CCKBR: variants seen among roughly 807,000 people sequenced by gnomAD.
CCKBR encodes gastrin/cholecystokinin type B receptor.
A neutral mutation model predicts 34.6 loss-of-function variants in CCKBR; 33 were observed. The observed-to-expected ratio is 0.95, with a 90% CI of 0.72 to 1.27. CCKBR has a LOEUF of 1.27. Among genes scored for constraint, CCKBR ranks in the 50% most tolerant of loss-of-function variants. The pLI, the probability that CCKBR is intolerant of heterozygous loss-of-function variation, is 0.00. For missense variants in CCKBR, 652 were observed against 617.4 expected (o/e 1.06, Z -0.59); for synonymous variants, 269 against 267.5 (o/e 1.01, Z -0.06).
rs535599390 is a variant in CCKBR, at chr11:6,271,267, C to T, written c.1068C>T (p.Arg356=). Residue 356 remains arginine (R), a synonymous_variant, in exon 5 of 5, where the codon CGC becomes CGT. Transcript: ENST00000334619. ...CAGTTTATAGTGCCAACACGTGGCG[C>T]GCCTTTGATGGCCCGGGTGCACACC... The part of the protein sequence containing the change: ...WLPVYSANTW[R]AFDGPGAHRA... 2 of 1,614,210 alleles carry T rather than the reference C, an allele frequency of 1.2e-6. No homozygotes were observed. The highest frequency in any genetic ancestry group is 1.1e-5 in the South Asian group (1 of 91,080).
intron 1 of CCKBR, among the ~76,000 whole-genome samples, chr11:6,263,923 T>TC (rs1848172636): frequency 6.6e-6 from 1 of 152,268 alleles, no homozygotes; most frequent in African/African-American, 2.4e-5. Flanking sequence ...CTGAATGTAA[T>TC]CTATGCTTCC....
chr11:6,262,421 C>G (rs1848147549), intron 1 of CCKBR, among the ~76,000 whole-genome samples: 1 of 152,116 alleles, frequency 6.6e-6, no homozygotes, highest in Non-Finnish European at 1.5e-5. Context: ...AAGGCAGGAG[C>G]TACGCCCTTC....
rs200728380 is a variant in CCKBR at position 6,271,440 on chromosome 11, G to T, written c.1241G>T (p.Arg414Leu). 2.5e-6 allele frequency: 4 copies of T among 1,613,404 alleles called. No homozygotes were observed. Among genetic ancestry groups the T allele is most frequent in the Non-Finnish European group, 3.4e-6 (4 of 1,180,034 alleles). Residue 414 changes from arginine to leucine, a missense_variant, in exon 5 of 5, where the codon CGA (arginine) becomes CTA (leucine). Physicochemically the swap from Arg to Leu is moderately radical, Grantham distance 102. Coordinates refer to ENST00000334619, the MANE Select transcript of CCKBR (RefSeq NM_176875.4). ...GCTCGCTGCTGCCCCCGGCCTCCAC[G>T]AGCTCGCCCCAGGGCTCTTCCCGAT... ...TCARCCPRPP[R>L]ARPRALPDED...
At chr11:6,264,349 G>T in intron 1 of CCKBR, 1 of 570,190 alleles carries the variant, frequency 1.8e-6, no homozygotes, top group Non-Finnish European at 3.1e-6. Flanking sequence ...CCTGCCAGTA[G>T]AATGCAGAAT....
chr11:6,271,865 C>A lies in CCKBR; in HGVS notation c.*322C>A, dbSNP rs1848323915. 1 of 328,342 alleles carries A rather than the reference C, an allele frequency of 3.0e-6. No homozygotes were observed. Among genetic ancestry groups the A allele is most frequent in the East Asian group, 5.2e-5 (1 of 19,288 alleles). The allele number at this position is 328,342 out of a possible 1,614,324, so 20.3% of individuals were successfully genotyped here. On this transcript the variant is annotated 3_prime_UTR_variant, in exon 5 of 5. Coordinates refer to ENST00000334619, the MANE Select transcript of CCKBR (RefSeq NM_176875.4). ...CAAGGGCTGACCTGCCTCTCACACA[C>A]ATAGATTAATGGCACTGATTGTTTT...
rs567241409 is a variant in CCKBR at position 6,259,938 on chromosome 11, C to A, written c.10C>A (p.Leu4Ile). Residue 4 changes from leucine to isoleucine, a missense_variant, in exon 1 of 5, where the codon CTA becomes ATA. Coordinates refer to ENST00000334619, the MANE Select transcript of CCKBR (RefSeq NM_176875.4). Reference protein sequence around the residue: MELLKLNRSVQGTG... With the variant: MELIKLNRSVQGTG... ...GGGCTCGGCGGGGGCCATGGAGCTGCTAAAGCTGAACCGGAGCGTGCAGGG... is the reference window on the plus strand; with the variant it reads ...GGGCTCGGCGGGGGCCATGGAGCTGATAAAGCTGAACCGGAGCGTGCAGGG... 1 of 1,479,992 alleles carries A rather than the reference C, an allele frequency of 6.8e-7. No homozygotes were observed. Among genetic ancestry groups the A allele is most frequent in the South Asian group, 1.3e-5 (1 of 75,366 alleles). 91.7% of individuals were successfully genotyped at this position (1,479,992 alleles called of 1,614,324 possible). A position where few individuals can be genotyped will look rare whatever the true frequency, so the allele number is the denominator to read the frequency against.
intron 1 of CCKBR, among the ~76,000 whole-genome samples, chr11:6,262,909 G>A (rs552370240): frequency 7.9e-5 from 12 of 152,146 alleles, no homozygotes; most frequent in Non-Finnish European, 1.5e-4. Flanking sequence ...AAAGGGGATA[G>A]TCAATAGAGA....
intron 1 of CCKBR, chr11:6,264,444 T>C (rs1848180367): frequency 1.6e-6 from 1 of 629,708 alleles, no homozygotes; most frequent in Non-Finnish European, 2.9e-6. Flanking sequence ...GTCTGGATTT[T>C]TGCACTCATA....
chr11:6,269,904 G>A lies in CCKBR; in HGVS notation c.387G>A (p.Ala129=), dbSNP rs200524431. Residue 129 remains alanine, a synonymous_variant, in exon 2 of 5, where the codon GCG becomes GCA. Transcript: ENST00000334619. ...TCTTTGGCACCGTCATCTGCAAGGC[G>A]GTTTCCTACCTCATGGGTGGGTGAG... ...TFIFGTVICK[A]VSYLMGVSVS... 3.1e-6 allele frequency: 5 copies of A among 1,613,932 alleles called. No individual in the cohort carries two copies. The highest frequency in any genetic ancestry group is 2.2e-5 in the East Asian group (1 of 44,872).
At chr11:6,265,002 AG>A (rs1848190910) in intron 1 of CCKBR, among the ~76,000 whole-genome samples, 2 of 152,232 alleles carry the variant, frequency 1.3e-5, no homozygotes, top group African/African-American at 4.8e-5. Context: ...ATGGTTCTAT[AG>A]GTTTTGACAA....
chr11:6,270,557 C>G (rs1326966526), intron 3 of CCKBR, 89 bp from the exon 4 acceptor site: 2 of 1,461,128 alleles, frequency 1.4e-6, no homozygotes, highest in African/African-American at 2.8e-5. Context: ...TACCTGGCCA[C>G]AGCCCTAGAA....
chr11:6,267,755 A>G (rs1848230367), intron 1 of CCKBR, among the ~76,000 whole-genome samples: 1 of 152,184 alleles, frequency 6.6e-6, no homozygotes, highest in South Asian at 2.1e-4. Context: ...TATCCCCACA[A>G]ACACATACGT....
intron 4 of CCKBR, 96 bp downstream of exon 4, chr11:6,270,899 G>A (rs1474595993): frequency 1.6e-5 from 25 of 1,610,940 alleles, no homozygotes; most frequent in Non-Finnish European, 2.0e-5. Flanking sequence ...GAAGGTGAGG[G>A]TGAGAAGGAA....
Position 6,270,178 on chromosome 11 carries a change from G to A in CCKBR, c.494G>A (p.Trp165Ter). 1 of 1,613,876 alleles carries A rather than the reference G, an allele frequency of 6.2e-7. No homozygotes were observed. The highest frequency in any genetic ancestry group is 1.1e-5 in the South Asian group (1 of 91,082). The change falls in exon 3 of 5, where the codon TGG becomes TAG. Residue 165 changes from tryptophan to a stop codon, truncating the protein, a stop_gained. Transcript: ENST00000334619. LOFTEE classifies it high-confidence loss of function. ...AICRPLQARV[W>*]QTRSHAARVI... ...TGCCGACCACTGCAGGCACGAGTGT[G>A]GCAGACGCGCTCCCACGCGGCTCGC...
At chr11:6,266,864 C>T (rs566930828) in intron 1 of CCKBR, among the ~76,000 whole-genome samples, 2 of 152,250 alleles carry the variant, frequency 1.3e-5, no homozygotes, top group South Asian at 2.1e-4. Context: ...GTATAGCCTA[C>T]TACATACCTA....
In CCKBR at chr11:6,270,272, AC is replaced by A; in HGVS notation, c.590del (p.Pro197GlnfsTer51). On this transcript the variant is annotated frameshift_variant, in exon 3 of 5. Transcript: ENST00000334619. LOFTEE classifies it high-confidence loss of function. ...CCTACCCCGTGTACACTGTCGTGCA[AC>A]CAGTGGGGCCTCGTGTGCTGCAGTG... is the stretch of plus-strand genomic sequence containing the variant. ...VPYPVYTVVQ[P>X]VGPRVLQCVH... 1 of 1,613,430 alleles carries A rather than the reference AC, an allele frequency of 6.2e-7. No individual in the cohort carries two copies. Among genetic ancestry groups the A allele is most frequent in the Non-Finnish European group, 8.5e-7 (1 of 1,180,022 alleles).
rs1054148069 is a variant in CCKBR, at chr11:6,270,203, C to A, written c.519C>A (p.Arg173=). ...GGCAGACGCGCTCCCACGCGGCTCG[C>A]GTGATTGTAGCCACGTGGCTGCTGT... ...RVWQTRSHAA[R]VIVATWLLSG... is the part of the protein sequence containing the mutation. Residue 173 remains arginine (R), a synonymous_variant, in exon 3 of 5, where the codon CGC becomes CGA. Transcript: ENST00000334619. 3.1e-6 allele frequency: 5 copies of A among 1,613,398 alleles called. No individual in the cohort carries two copies. The African/African-American group carries it at 5.3e-5, about 17-fold the overall frequency.
rs1805002 is a variant in CCKBR at position 6,269,890 on chromosome 11, G to A, written c.373G>A (p.Val125Ile). The A allele has an allele frequency of 0.052, 83,207 of 1,613,890 alleles. 2,262 individuals carry two copies. Among genetic ancestry groups the A allele is most frequent in the African/African-American group, 0.057 (4,281 of 74,958 alleles). The change falls in exon 2 of 5, where the codon GTC becomes ATC. Residue 125 changes from valine to isoleucine, a missense_variant. Coordinates refer to ENST00000334619, the MANE Select transcript of CCKBR (RefSeq NM_176875.4). Reference sequence around the variant, plus strand: ...CATGGGCACATTCATCTTTGGCACCGTCATCTGCAAGGCGGTTTCCTACCT... The same window carrying A: ...CATGGGCACATTCATCTTTGGCACCATCATCTGCAAGGCGGTTTCCTACCT... ...NLMGTFIFGT[V>I]ICKAVSYLMG...
At chr11:6,265,249 C>T in intron 1 of CCKBR, among the ~76,000 whole-genome samples, 1 of 152,186 alleles carries the variant, frequency 6.6e-6, no homozygotes, top group East Asian at 1.9e-4. Context: ...AACAGCAGAA[C>T]ACTGCACAGT....
Sources: gnomAD v4.1 joint callset for allele counts (sites outside exome capture counted in the v4.1 genomes callset) on GRCh38, gnomAD v4.1.1 for gene constraint, MANE v1.5 for transcripts, NCBI Gene and HGNC (gene_info 2026-07-23, HGNC 2026-07-21) for gene names.